The following RIN3 variants were observed in gnomAD, a reference collection of about 807,000 sequenced individuals.
The protein encoded by RIN3 is Ras and Rab interactor 3.
RIN3 carries 54 observed loss-of-function variants against 76.3 expected under a neutral mutation model. The ratio of observed to expected loss-of-function variants is 0.71; its 90% CI spans 0.57 to 0.89. The LOEUF (loss-of-function observed/expected upper bound fraction) is 0.89, where lower values mean the gene tolerates loss of function less well. Ranked by LOEUF, RIN3 falls within the 40% of genes least tolerant of loss-of-function variation. The pLI is 0.00. For missense variants in RIN3, 1,256 were observed against 1,322.1 expected (o/e 0.95, Z 0.78); for synonymous variants, 576 against 564.0 (o/e 1.02, Z -0.30).
intron 1 of RIN3, among the ~76,000 whole-genome samples, chr14:92,529,166 C>T (rs1184443018): frequency 6.6e-6 from 1 of 152,110 alleles, no homozygotes; most frequent in East Asian, 1.9e-4. Flanking sequence ...TACTTACAGT[C>T]AATTCTCATT....
rs1343949322 is a variant in RIN3 at position 92,623,077 on chromosome 14, G to A, written c.440+7598G>A. ...CAACAAGAATAAGCACAGCTATTGC[G>A]ATTGCGAGAGAGGTAACAATAGAGG... On this transcript the variant is annotated intron_variant, in intron 4 of 9. Transcript: ENST00000216487. The surrounding 1 kb of genome is among the most constrained non-coding windows in gnomAD (Gnocchi z 4.9). Among the ~76,000 whole-genome samples the A allele has an allele frequency of 2.6e-5, 4 of 152,236 alleles. No homozygotes were observed. The highest frequency in any genetic ancestry group is 1.9e-4 in the East Asian group (1 of 5,202).
rs763398917 is a variant in RIN3, at chr14:92,688,129, C to G, written c.2835C>G (p.Gly945=). The G allele has an allele frequency of 1.3e-5, 21 of 1,609,850 alleles. No individual in the cohort carries two copies. Among genetic ancestry groups the G allele is most frequent in the Non-Finnish European group, 1.4e-5 (16 of 1,178,774 alleles). Residue 945 remains glycine, a synonymous_variant, in exon 10 of 10, where the codon GGC becomes GGG. Transcript: ENST00000216487. ...ADDALPHCIK[G]YLLRSEPKRD... ...ACGCGCTGCCGCACTGCATCAAGGG[C>G]TACCTGCTGCGCAGCGAGCCCAAGC...
At chr14:92,626,746 T>G (rs376390496) in intron 4 of RIN3, among the ~76,000 whole-genome samples, 1 of 151,426 alleles carries the variant, frequency 6.6e-6, no homozygotes, top group Non-Finnish European at 1.5e-5. Flanking sequence ...ACAGGTCAAG[T>G]TGGGGGGAAT....
chr14:92,545,824 C>CCTTGA (rs1380884882), intron 1 of RIN3, among the ~76,000 whole-genome samples: 2 of 152,148 alleles, frequency 1.3e-5, no homozygotes, highest in Non-Finnish European at 2.9e-5. Context: ...GTGGGTATTT[C>CCTTGA]TCAAGGACAA....
chr14:92,685,110 G>A lies in RIN3; in HGVS notation c.2591G>A (p.Arg864His), dbSNP rs1888803653. 5 of 1,613,422 alleles carry A rather than the reference G, an allele frequency of 3.1e-6. No homozygotes were observed. Among genetic ancestry groups the A allele is most frequent in the African/African-American group, 1.3e-5 (1 of 74,940 alleles). ...QDSIHRWERR[R>H]TLNKARASRS... is the part of the protein sequence containing the mutation. ...TCCATCCACCGCTGGGAGCGCCGGC[G>A]TACTCTCAACAAGGCCCGGGCCTCC... Residue 864 changes from arginine (R) to histidine (H), a missense_variant, in exon 9 of 10, where the codon CGT becomes CAT. Physicochemically the swap from Arg to His is conservative, Grantham distance 29 (BLOSUM62 0). Around this residue, in one of 3 missense-constraint regions of RIN3, gnomAD observed 428 missense variants for 521.2 expected, o/e 0.82. Transcript: ENST00000216487. The surrounding 1 kb of genome is among the most constrained non-coding windows in gnomAD (Gnocchi z 4.7).
intron 6 of RIN3, among the ~76,000 whole-genome samples, chr14:92,658,564 C>A (rs1192245113): frequency 2.6e-5 from 4 of 152,212 alleles, no homozygotes. Flanking sequence ...ACACCAGCTG[C>A]TGTGTTGACA....
In RIN3 at chr14:92,513,947, CG is replaced by C; in HGVS notation, c.19del (p.Ala7ArgfsTer60). The C allele has an allele frequency of 2.4e-6, 3 of 1,245,666 alleles. No individual in the cohort carries two copies. The highest frequency in any genetic ancestry group is 3.3e-5 in the South Asian group (1 of 30,104). 77.2% of individuals were successfully genotyped at this position (1,245,666 alleles called of 1,614,324 possible). On this transcript the variant is annotated frameshift_variant, in exon 1 of 10. Coordinates refer to ENST00000216487, the MANE Select transcript of RIN3 (RefSeq NM_024832.5). LOFTEE classifies it high-confidence loss of function. ...CTGCCGGCGGCATGATCCGACACGC[CG>C]GGGCGCCCGCGCGCGGGGACCCCAC... is the stretch of plus-strand genomic sequence containing the variant. MIRHA[G>X]APARGDPTGP...
intron 3 of RIN3, among the ~76,000 whole-genome samples, chr14:92,602,032 T>C (rs978902437): frequency 6.6e-6 from 1 of 152,148 alleles, no homozygotes; most frequent in Non-Finnish European, 1.5e-5. Flanking sequence ...ATGAACAGTG[T>C]AGTGGGGAGT....
chr14:92,608,812 G>A (rs143321542), intron 3 of RIN3, among the ~76,000 whole-genome samples: 21 of 152,260 alleles, frequency 1.4e-4, no homozygotes, highest in Middle Eastern at 3.4e-3. Context: ...TGGGATTACA[G>A]GTGTGAGCCA....
At chr14:92,684,665 G>A (rs921543977) in intron 8 of RIN3, among the ~76,000 whole-genome samples, 27 of 152,036 alleles carry the variant, frequency 1.8e-4, no homozygotes, top group African/African-American at 6.5e-4. Flanking sequence ...CCCACACTGA[G>A]GTTTCTGTTT....
chr14:92,518,747 CG>C (rs1233281764), intron 1 of RIN3, among the ~76,000 whole-genome samples: 1 of 149,132 alleles, frequency 6.7e-6, no homozygotes, highest in African/African-American at 2.5e-5. Context: ...GTCCCAAATG[CG>C]GGTCTCTGGA....
At chr14:92,618,077 C>T (rs1387180482) in intron 4 of RIN3, among the ~76,000 whole-genome samples, 1 of 152,128 alleles carries the variant, frequency 6.6e-6, no homozygotes, top group Non-Finnish European at 1.5e-5. Context: ...GTGAGGCAGC[C>T]ATAATGAGGT....
Position 92,688,183 on chromosome 14 carries a change from G to GGAC in RIN3, c.2891_2893dup (p.Asp964dup). 1 of 1,555,396 alleles carries GGAC rather than the reference G, an allele frequency of 6.4e-7. No individual in the cohort carries two copies. On this transcript the variant is annotated inframe_insertion, in exon 10 of 10. Coordinates refer to ENST00000216487, the MANE Select transcript of RIN3 (RefSeq NM_024832.5). ...ACTTCCACTTTGTCTACCGGCCCCT[G>GGAC]GACGGTGGTGGCGGCGGCGGCGGCG...
In RIN3 at chr14:92,688,155, G is replaced by A. The variant is rs1435897670; in HGVS notation, c.2861G>A (p.Arg954His). 6.2e-7 allele frequency: 1 copy of A among 1,610,196 alleles called. No individual in the cohort carries two copies. Residue 954 changes from arginine (R) to histidine (H), a missense_variant, in exon 10 of 10, where the codon CGC becomes CAC. Arg to His is a conservative substitution (Grantham distance 29). Around this residue, in one of 3 missense-constraint regions of RIN3, gnomAD observed 218 missense variants for 174.5 expected, o/e 1.25. Transcript: ENST00000216487. Reference protein sequence around the residue: ...KGYLLRSEPKRDFHFVYRPLD... With the variant: ...KGYLLRSEPKHDFHFVYRPLD... ...TACCTGCTGCGCAGCGAGCCCAAGC[G>A]CGACTTCCACTTTGTCTACCGGCCC...
At position 92,652,426 on chromosome 14, in the gene RIN3, GC is replaced by G; in HGVS notation, c.1383del (p.Arg462GlyfsTer17). On this transcript the variant is annotated frameshift_variant, in exon 6 of 10. Coordinates refer to ENST00000216487, the MANE Select transcript of RIN3 (RefSeq NM_024832.5). LOFTEE classifies it high-confidence loss of function. This position sits in a 1 kb window ranked among gnomAD's most constrained non-coding sequence, Gnocchi z 6.4. The stretch of plus-strand genomic sequence containing the variant: ...GGACAGCCAAACAACCCCCAGTCCC[GC>G]CCCCCAGGAAAAAACGGATCTCTCG... Reference protein sequence around the residue: ...PRTAKQPPVPPPRKKRISRQL... With the variant: ...PRTAKQPPVPXPRKKRISRQL... 4 of 1,613,268 alleles carry G rather than the reference GC, an allele frequency of 2.5e-6. No homozygotes were observed. Among genetic ancestry groups the G allele is most frequent in the Non-Finnish European group, 3.4e-6 (4 of 1,179,822 alleles).
At chr14:92,544,719 T>A (rs1181680274) in intron 1 of RIN3, among the ~76,000 whole-genome samples, 3 of 151,346 alleles carry the variant, frequency 2.0e-5, no homozygotes, top group Non-Finnish European at 3.0e-5. Flanking sequence ...CTTTTTTTTT[T>A]AAATTAAATA....
intron 7 of RIN3, among the ~76,000 whole-genome samples, chr14:92,661,127 C>A (rs188588291): frequency 6.6e-6 from 1 of 152,326 alleles, no homozygotes; most frequent in East Asian, 1.9e-4. Context: ...GGTTCAGAAG[C>A]CATACTCAGT....
At chr14:92,570,613 G>C (rs1898038390) in intron 2 of RIN3, among the ~76,000 whole-genome samples, 1 of 149,798 alleles carries the variant, frequency 6.7e-6, no homozygotes, top group Admixed American at 6.7e-5. Flanking sequence ...AGTGAGCTGA[G>C]ATCACGCCAT....
intron 4 of RIN3, among the ~76,000 whole-genome samples, chr14:92,624,391 G>A (rs1261551964): frequency 6.6e-6 from 1 of 152,164 alleles, no homozygotes; most frequent in Admixed American, 6.5e-5. Flanking sequence ...GGAGAGTTGG[G>A]ATGGTGATGG....
Sources: gnomAD v4.1 joint callset for allele counts (sites outside exome capture counted in the v4.1 genomes callset) on GRCh38, gnomAD v4.1.1 for gene constraint, gnomAD v4.1.1 regional missense constraint, Gnocchi (gnomAD v3.1) non-coding constraint, MANE v1.5 for transcripts, NCBI Gene and HGNC (gene_info 2026-07-23, HGNC 2026-07-21) for gene names.